The following ZNF250 variants were observed in gnomAD, a reference collection of about 807,000 sequenced individuals.
ZNF250 encodes zinc finger protein (clone 647).
In ZNF250, 13 loss-of-function variants were observed where a neutral mutation model predicts 37.1. The observed-to-expected ratio is 0.35, with a 90% CI of 0.23 to 0.56. The LOEUF (loss-of-function observed/expected upper bound fraction) is 0.56, where lower values mean the gene tolerates loss of function less well. Ranked by LOEUF, ZNF250 falls within the 20% of genes least tolerant of loss-of-function variation. ZNF250 has a pLI of 0.87. For missense variants in ZNF250, 474 were observed against 697.9 expected (o/e 0.68, Z 3.61); for synonymous variants, 251 against 265.6 (o/e 0.94, Z 0.54).
rs184182784 is a variant in ZNF250, at chr8:144,897,511, C to T, written c.-55+3888G>A. 7.0e-4 allele frequency among the ~76,000 whole-genome samples: 107 copies of T among 152,324 alleles called. No homozygotes were observed. Among genetic ancestry groups the T allele is most frequent in the African/African-American group, 2.4e-3 (101 of 41,576 alleles). On this transcript the variant is annotated intron_variant, in intron 1 of 5. Transcript: ENST00000417550. The surrounding 1 kb of genome is among the most constrained non-coding windows in gnomAD (Gnocchi z 5.2). ...TCTGGTCGGGCACAGTGGCTCATGC[C>T]TGTAATCCCAGCACTTTGGGAGGCC... is the stretch of plus-strand genomic sequence containing the variant.
intron 1 of ZNF250, among the ~76,000 whole-genome samples, chr8:144,896,008 C>CAA (rs1183288137): frequency 0.013 from 827 of 64,670 alleles, 25 homozygotes; most frequent in African/African-American, 0.042. Context: ...GACTCTGTCT[C>CAA]AAAAAAAAAA....
chr8:144,883,449 C>T (rs932717079), intron 5 of ZNF250, among the ~76,000 whole-genome samples: 1 of 151,814 alleles, frequency 6.6e-6, no homozygotes, highest in East Asian at 1.9e-4. Context: ...AAGCGATTCT[C>T]GTGTCTCAGC....
At chr8:144,901,993 C>T (rs1166471617), upstream of ZNF250, 1 of 152,408 alleles carries the variant, frequency 6.6e-6, no homozygotes, top group African/African-American at 2.4e-5. This position sits in a 1 kb window ranked among gnomAD's most constrained non-coding sequence, Gnocchi z 5.4. Flanking sequence ...CTTTCTCTTC[C>T]TTCGTTGCAA....
chr8:144,899,871 C>T (rs1370574153), intron 1 of ZNF250, among the ~76,000 whole-genome samples: 1 of 152,092 alleles, frequency 6.6e-6, no homozygotes, highest in South Asian at 2.1e-4. Context: ...CACAGAAAAA[C>T]AAGAGTTTAT....
chr8:144,883,450 G>C (rs371244487), intron 5 of ZNF250, among the ~76,000 whole-genome samples: 1 of 151,582 alleles, frequency 6.6e-6, no homozygotes, highest in South Asian at 2.1e-4. Flanking sequence ...AGCGATTCTC[G>C]TGTCTCAGCC....
intron 3 of ZNF250, 30 bp from the exon 4 acceptor site, chr8:144,889,724 CACA>C: frequency 6.2e-7 from 1 of 1,602,886 alleles, no homozygotes; most frequent in Non-Finnish European, 8.5e-7. Flanking sequence ...TCTTTGTTTA[CACA>C]ACATTTACAG....
chr8:144,900,669 G>A (rs1833038382), intron 1 of ZNF250, among the ~76,000 whole-genome samples: 1 of 152,178 alleles, frequency 6.6e-6, no homozygotes, highest in South Asian at 2.1e-4. Flanking sequence ...AGAAAAGACA[G>A]CATCGACAGC....
chr8:144,882,645 G>A lies in ZNF250; in HGVS notation c.538C>T (p.Pro180Ser). 6.2e-7 allele frequency: 1 copy of A among 1,613,980 alleles called. No homozygotes were observed. Among genetic ancestry groups the A allele is most frequent in the Non-Finnish European group, 8.5e-7 (1 of 1,179,900 alleles). The part of the protein sequence containing the change: ...REVQVLSQSM[P>S]LTPHQAVPSG... ...GGCACTGCCTGGTGCGGAGTGAGTG[G>A]CATGCTTTGGCTTAAGACCTGAACT... Residue 180 changes from proline (P) to serine (S), a missense_variant, in exon 6 of 6, where the codon CCA (proline) becomes TCA (serine). By Grantham distance (74) the Pro-to-Ser change is moderately conservative. Around this residue, in one of 2 missense-constraint regions of ZNF250, gnomAD observed 192 missense variants for 227.5 expected, o/e 0.84. Coordinates refer to ENST00000417550, the MANE Select transcript of ZNF250 (RefSeq NM_001109689.4). This position sits in a 1 kb window ranked among gnomAD's most constrained non-coding sequence, Gnocchi z 5.5.
At chr8:144,888,579 C>T (rs1395889048) in intron 4 of ZNF250, among the ~76,000 whole-genome samples, 5 of 115,042 alleles carry the variant, frequency 4.3e-5, no homozygotes, top group Admixed American at 1.2e-4. Context: ...GCCTGGGCGA[C>T]AGAGCAAGAC....
At chr8:144,899,516 T>G (rs1031571898) in intron 1 of ZNF250, among the ~76,000 whole-genome samples, 1 of 152,188 alleles carries the variant, frequency 6.6e-6, no homozygotes, top group Non-Finnish European at 1.5e-5. Context: ...GTATAATTAT[T>G]ATATTCAATA....
rs1051861875 is a variant in ZNF250, at chr8:144,879,520, T to C, written c.*1995A>G. The C allele has an allele frequency of 6.6e-6, 1 of 152,230 alleles. No homozygotes were observed. The allele number at this position is 152,230 out of a possible 1,614,324, so 9.4% of individuals were successfully genotyped here. A position where few individuals can be genotyped will look rare whatever the true frequency, so the allele number is the denominator to read the frequency against. ...AGGAGTTTGAGGCAGCGGTGAGCCA[T>C]GATGGCACCACTGCACTCCAACCTG... On this transcript the variant is annotated 3_prime_UTR_variant, in exon 6 of 6. Transcript: ENST00000417550.
chr8:144,886,943 C>A (rs999490936), intron 4 of ZNF250, 41 bp from the exon 5 acceptor site: 2 of 1,588,690 alleles, frequency 1.3e-6, no homozygotes, highest in African/African-American at 1.3e-5. Context: ...ACAAAATACT[C>A]CCTTCAAGAG....
Position 144,884,697 on chromosome 8 carries a change from A to AT in ZNF250, c.347-1862dup, listed in dbSNP as rs568157518. The stretch of plus-strand genomic sequence containing the variant: ...GTGAACATAGGAATTCATGTTTTCG[A>AT]TTTTTTTTTTCATTTTTTTTACCTC... On this transcript the variant is annotated intron_variant, in intron 5 of 5. Coordinates refer to ENST00000417550, the MANE Select transcript of ZNF250 (RefSeq NM_001109689.4). 1.7e-3 allele frequency among the ~76,000 whole-genome samples: 252 copies of AT among 149,592 alleles called. 1 individual carries two copies. The highest frequency in any genetic ancestry group is 5.6e-3 in the African/African-American group (230 of 40,748).
Position 144,897,803 on chromosome 8 carries a change from G to A in ZNF250, c.-55+3596C>T, listed in dbSNP as rs1832820243. ...CTTATGGGAAACGAAGGGATGGGCC[G>A]AATTAAAGGAATAGGTTGGGCTAGT... On this transcript the variant is annotated intron_variant, in intron 1 of 5. Transcript: ENST00000417550. This position sits in a 1 kb window ranked among gnomAD's most constrained non-coding sequence, Gnocchi z 5.2. Among the ~76,000 whole-genome samples the A allele has an allele frequency of 6.6e-6, 1 of 152,126 alleles. No homozygotes were observed. The highest frequency in any genetic ancestry group is 2.1e-4 in the South Asian group (1 of 4,824).
chr8:144,893,730 GCTGTGACTCAATGATGAA>G (rs1563897798), intron 1 of ZNF250, among the ~76,000 whole-genome samples: 2 of 152,172 alleles, frequency 1.3e-5, no homozygotes, highest in East Asian at 3.8e-4. Context: ...TCACACCTGG[GCTGTGACTCAATGATGAA>G]CAACCACAGG....
chr8:144,887,592 A>G (rs141910111), intron 4 of ZNF250, among the ~76,000 whole-genome samples: 2 of 152,286 alleles, frequency 1.3e-5, no homozygotes, highest in African/African-American at 4.8e-5. Context: ...CTCCCAGAGA[A>G]TTTCACAGTC....
chr8:144,887,001 C>G, intron 4 of ZNF250, 99 bp from the exon 5 acceptor site: 1 of 1,031,488 alleles, frequency 9.7e-7, no homozygotes, highest in Non-Finnish European at 1.5e-6. Context: ...AATCCCAGCA[C>G]TTTGGGAGGC....
chr8:144,898,125 C>T (rs558442739), intron 1 of ZNF250, among the ~76,000 whole-genome samples: 4 of 152,122 alleles, frequency 2.6e-5, no homozygotes, highest in South Asian at 4.2e-4. Flanking sequence ...GGTGAAACCC[C>T]GTCTCTTCTA....
At chr8:144,898,195 G>A (rs1301250035) in intron 1 of ZNF250, among the ~76,000 whole-genome samples, 2 of 152,116 alleles carry the variant, frequency 1.3e-5, no homozygotes, top group Non-Finnish European at 2.9e-5. Flanking sequence ...TCCTCCCAAG[G>A]CTGAGGCATG....
Sources: allele counts gnomAD v4.1 joint callset (sites outside exome capture counted in the v4.1 genomes callset), GRCh38; gene constraint gnomAD v4.1.1; regional missense constraint gnomAD v4.1.1; non-coding constraint Gnocchi (gnomAD v3.1); transcripts MANE v1.5; gene names NCBI Gene and HGNC (gene_info 2026-07-23, HGNC 2026-07-21).